The following PRKACA variants were observed in gnomAD, a reference collection of about 807,000 sequenced individuals.
The protein encoded by PRKACA is cAMP-dependent protein kinase catalytic subunit alpha.
In PRKACA, 9 loss-of-function variants were observed where a neutral mutation model predicts 45.8. The observed-to-expected ratio is 0.20, with a 90% CI of 0.12 to 0.34. The LOEUF (loss-of-function observed/expected upper bound fraction) is 0.34, where lower values mean the gene tolerates loss of function less well. Ranked by LOEUF, PRKACA falls within the 10% of genes least tolerant of loss-of-function variation. The pLI, the probability that PRKACA is intolerant of heterozygous loss-of-function variation, is 1.00. For synonymous variants in PRKACA, 160 were observed against 178.6 expected, an observed-to-expected ratio of 0.90 and a Z score of 0.83; for missense variants, 238 against 458.6, an observed-to-expected ratio of 0.52 and a Z score of 4.39.
At chr19:14,103,966 C>T (rs1249845003) in intron 3 of PRKACA, among the ~76,000 whole-genome samples, 1 of 152,056 alleles carries the variant, frequency 6.6e-6, no homozygotes, top group Admixed American at 6.6e-5. Flanking sequence ...CCCAGCAGCT[C>T]CAGAGGCTGA....
In PRKACA at chr19:14,097,577, A is replaced by G; in HGVS notation, c.642+2T>C. The G allele has an allele frequency of 6.2e-7, 1 of 1,613,446 alleles. No individual in the cohort carries two copies. The highest frequency in any genetic ancestry group is 8.5e-7 in the Non-Finnish European group (1 of 1,179,634). On this transcript the variant is annotated splice_donor_variant, in intron 7 of 9. Coordinates refer to ENST00000308677, the MANE Select transcript of PRKACA (RefSeq NM_002730.4). LOFTEE classifies it high-confidence loss of function. The surrounding 1 kb of genome is among the most constrained non-coding windows in gnomAD (Gnocchi z 5.4). ...GAAGGGGAGGGCTGGGGAGGCTCCT[A>G]CTTTGCTCAGGATAATCTCAGGGGC...
rs568758761 is a variant in PRKACA at position 14,106,611 on chromosome 19, G to T, written c.237+149C>A. On this transcript the variant is annotated intron_variant, in intron 3 of 9. Transcript: ENST00000308677. ...GGAGGTTGCAGTGAGCCGAGATCAC[G>T]CCACTGTACTCCAGCCTGAGCGACA... The T allele has an allele frequency of 1.8e-3, 1,955 of 1,108,358 alleles. 2 individuals are homozygous for T. Among genetic ancestry groups the T allele is most frequent in the Middle Eastern group, 2.6e-3 (10 of 3,808 alleles). 68.7% of individuals were successfully genotyped at this position (1,108,358 alleles called of 1,614,324 possible).
intron 1 of PRKACA, chr19:14,114,166 T>A (rs754717890): frequency 6.2e-7 from 1 of 1,610,970 alleles, no homozygotes; most frequent in Non-Finnish European, 8.5e-7. Context: ...CACTCAGTCC[T>A]GTTCTCAGGG....
intron 5 of PRKACA, among the ~76,000 whole-genome samples, chr19:14,098,817 A>G (rs1019095104): frequency 0.019 from 2,774 of 146,786 alleles, 95 homozygotes; most frequent in African/African-American, 0.07. Context: ...GTTATTGGAA[A>G]AAAAAAAAAA....
intron 4 of PRKACA, among the ~76,000 whole-genome samples, chr19:14,102,607 G>A (rs549749102): frequency 4.6e-5 from 7 of 152,272 alleles, no homozygotes; most frequent in Middle Eastern, 3.4e-3. Context: ...CAAGGGTATC[G>A]AACTACAAAC....
rs1380549053 is a variant in PRKACA at position 14,097,838 on chromosome 19, G to A, written c.472C>T (p.Leu158=). The change falls in exon 6 of 10, where the codon CTG becomes TTG. Residue 158 remains leucine (L), a synonymous_variant. Coordinates refer to ENST00000308677, the MANE Select transcript of PRKACA (RefSeq NM_002730.4). The surrounding 1 kb of genome is among the most constrained non-coding windows in gnomAD (Gnocchi z 5.4). ...AAQIVLTFEY[L]HSLDLIYRDL... ...CTGTAGATGAGATCCAGCGAGTGCAGATACTCAAAGGTCAGGACGATCTGG... is the reference window on the plus strand; with the variant it reads ...CTGTAGATGAGATCCAGCGAGTGCAAATACTCAAAGGTCAGGACGATCTGG... 1 of 1,614,178 alleles carries A rather than the reference G, an allele frequency of 6.2e-7. No individual in the cohort carries two copies. Among genetic ancestry groups the A allele is most frequent in the Admixed American group, 1.7e-5 (1 of 60,010 alleles).
intron 3 of PRKACA, among the ~76,000 whole-genome samples, chr19:14,106,006 C>T (rs1454603593): frequency 3.3e-5 from 5 of 151,992 alleles, no homozygotes; most frequent in Admixed American, 1.3e-4. Context: ...TTTGGGAAGG[C>T]GGCACAGGGC....
chr19:14,102,446 A>G (rs1298818511), intron 4 of PRKACA, among the ~76,000 whole-genome samples: 2 of 152,120 alleles, frequency 1.3e-5, no homozygotes, highest in Non-Finnish European at 2.9e-5. Flanking sequence ...GCTTGGGGAG[A>G]TAAGTCTCTT....
rs141087932 is a variant in PRKACA at position 14,093,123 on chromosome 19, A to G, written c.1045T>C (p.Ser349Pro). ...GCACAGGCATGCCCCTAAAACTCAG[A>G]AAACTCCTTGCCACACTTCTCATTG... ...SINEKCGKEFSEF is the reference protein window; with the variant it reads ...SINEKCGKEFPEF Residue 349 changes from serine (S) to proline (P), a missense_variant, in exon 10 of 10, where the codon TCT (serine) becomes CCT (proline). Ser to Pro is a moderately conservative substitution (Grantham distance 74). This residue lies in a region of PRKACA where 51 missense variants were observed against 68.6 expected (regional missense o/e 0.74). Coordinates refer to ENST00000308677, the MANE Select transcript of PRKACA (RefSeq NM_002730.4). The G allele has an allele frequency of 3.7e-6, 6 of 1,611,760 alleles. No individual in the cohort carries two copies. The African/African-American group carries it at 6.7e-5, about 18-fold the overall frequency.
At chr19:14,100,632 T>C (rs959888932) in intron 5 of PRKACA, among the ~76,000 whole-genome samples, 194 bp downstream of exon 5, 1 of 152,204 alleles carries the variant, frequency 6.6e-6, no homozygotes, top group African/African-American at 2.4e-5. Flanking sequence ...TTGCCCTGTT[T>C]GCTCTGTTTT....
chr19:14,103,155 G>A (rs1044803844), intron 3 of PRKACA, among the ~76,000 whole-genome samples: 2 of 152,190 alleles, frequency 1.3e-5, no homozygotes, highest in African/African-American at 2.4e-5. Flanking sequence ...TACCCCCACA[G>A]AGGTCAGAGC....
chr19:14,117,491 C>G lies in PRKACA; in HGVS notation c.46+11G>C, dbSNP rs776200517. On this transcript the variant is annotated intron_variant, in intron 1 of 9. Coordinates refer to ENST00000308677, the MANE Select transcript of PRKACA (RefSeq NM_002730.4). ...CAGGGCCAAGATCGGGGTCACAGCC[C>G]GGGCACTCACCGCTCTCCTGCTCGC... 2 of 1,250,852 alleles carry G rather than the reference C, an allele frequency of 1.6e-6. No individual in the cohort carries two copies. The highest frequency in any genetic ancestry group is 1.6e-5 in the African/African-American group (1 of 64,510). 77.5% of individuals were successfully genotyped at this position (1,250,852 alleles called of 1,614,324 possible).
At chr19:14,115,047 C>A (rs1967080284) in intron 1 of PRKACA, 1 of 983,944 alleles carries the variant, frequency 1.0e-6, no homozygotes, top group Non-Finnish European at 1.2e-6. Flanking sequence ...TCCATCCTCT[C>A]AGAATCAGAG....
At chr19:14,108,734 AT>A (rs1045155976) in intron 1 of PRKACA, among the ~76,000 whole-genome samples, 48 of 131,624 alleles carry the variant, frequency 3.6e-4, no homozygotes, top group African/African-American at 3.1e-4. Context: ...AATTATTATT[AT>A]TTTTTTTTTT....
Position 14,097,847 on chromosome 19 carries a change from A to G in PRKACA, c.463T>C (p.Phe155Leu), listed in dbSNP as rs1176807487. The G allele has an allele frequency of 6.2e-7, 1 of 1,614,050 alleles. No homozygotes were observed. Among genetic ancestry groups the G allele is most frequent in the Non-Finnish European group, 8.5e-7 (1 of 1,180,040 alleles). ...AGATCCAGCGAGTGCAGATACTCAA[A>G]GGTCAGGACGATCTGGGCCGCGTAG... ...RFYAAQIVLT[F>L]EYLHSLDLIY... Residue 155 changes from phenylalanine (F) to leucine (L), a missense_variant, in exon 6 of 10, where the codon TTT (phenylalanine) becomes CTT (leucine). By Grantham distance (22) the Phe-to-Leu change is conservative. This residue lies in a region of PRKACA where 94 missense variants were observed against 240.9 expected (regional missense o/e 0.39). Transcript: ENST00000308677. The surrounding 1 kb of genome is among the most constrained non-coding windows in gnomAD (Gnocchi z 5.4).
At chr19:14,095,193 T>C (rs909915402) in intron 8 of PRKACA, among the ~76,000 whole-genome samples, 5 of 151,006 alleles carry the variant, frequency 3.3e-5, no homozygotes, top group African/African-American at 1.2e-4. Context: ...TTTTTTGAGA[T>C]GGAGTCTTGC....
chr19:14,098,028 A>G, intron 5 of PRKACA, 138 bp from the exon 6 acceptor site: 1 of 1,094,560 alleles, frequency 9.1e-7, no homozygotes. Context: ...ATTCTTAGAT[A>G]GCCCGACATG....
rs1311319486 is a variant in PRKACA at position 14,117,656 on chromosome 19, G to A, written c.-109C>T. The A allele has an allele frequency of 1.7e-6, 1 of 600,844 alleles. No homozygotes were observed. The highest frequency in any genetic ancestry group is 1.4e-4 in the East Asian group (1 of 7,058). The allele number at this position is 600,844 out of a possible 1,614,324, so 37.2% of individuals were successfully genotyped here. A position where few individuals can be genotyped will look rare whatever the true frequency, so the allele number is the denominator to read the frequency against. On this transcript the variant is annotated 5_prime_UTR_variant, in exon 1 of 10. Transcript: ENST00000308677. ...CGGCGGCGGCGGCGGCCCTCGGGCT[G>A]GCTGCGCTAGCTGCGGCGCCGCGAC...
chr19:14,105,076 C>T (rs1232225554), intron 3 of PRKACA, among the ~76,000 whole-genome samples: 1 of 151,286 alleles, frequency 6.6e-6, no homozygotes, highest in East Asian at 1.9e-4. Flanking sequence ...AAAGATACTT[C>T]AGTACAGAAA....
Sources: allele counts gnomAD v4.1 joint callset (sites outside exome capture counted in the v4.1 genomes callset), GRCh38; gene constraint gnomAD v4.1.1; regional missense constraint gnomAD v4.1.1; non-coding constraint Gnocchi (gnomAD v3.1); transcripts MANE v1.5; gene names NCBI Gene and HGNC (gene_info 2026-07-23, HGNC 2026-07-21).